WDR76: variants seen among roughly 807,000 people sequenced by gnomAD.
The protein encoded by WDR76 is WD repeat domain 76, also known as WD repeat-containing protein 76.
In WDR76, 52 loss-of-function variants were observed where a neutral mutation model predicts 70.2. That is an observed-to-expected ratio of 0.74 (90% CI 0.59 to 0.93). WDR76 has a LOEUF of 0.93. WDR76 is among the 40% of genes least tolerant of loss of function. The pLI, the probability that WDR76 is intolerant of heterozygous loss-of-function variation, is 0.00. For missense variants in WDR76, 756 were observed against 760.2 expected (o/e 0.99, Z 0.07); for synonymous variants, 292 against 271.1 (o/e 1.08, Z -0.76).
chr15:43,834,460 CT>C (rs1413636156), intron 2 of WDR76, among the ~76,000 whole-genome samples: 1 of 130,788 alleles, frequency 7.6e-6, no homozygotes, highest in Non-Finnish European at 1.7e-5. Context: ...GCCACTATAC[CT>C]GGCTAATTTT....
Position 43,857,074 on chromosome 15 carries a change from T to C in WDR76, c.1320T>C (p.Tyr440=). 1.2e-6 allele frequency: 2 copies of C among 1,614,128 alleles called. No individual in the cohort carries two copies. The highest frequency in any genetic ancestry group is 1.7e-6 in the Non-Finnish European group (2 of 1,179,992). Residue 440 remains tyrosine, a synonymous_variant, in exon 10 of 13, where the codon TAT becomes TAC. Coordinates refer to ENST00000263795, the MANE Select transcript of WDR76 (RefSeq NM_024908.4). ...ATAGACGGACACCTGGAACTTCTTA[T>C]GAGAAACTTACCAGTTCTTCTATGG... ...LVDRRTPGTS[Y]EKLTSSSMGK...
chr15:43,841,225 C>G (rs1215222450), intron 5 of WDR76, among the ~76,000 whole-genome samples: 3 of 128,466 alleles, frequency 2.3e-5, no homozygotes, highest in Non-Finnish European at 4.8e-5. Flanking sequence ...TTTTTTGAGA[C>G]GGAGTCTCAA....
chr15:43,841,733 A>T (rs546849876), intron 5 of WDR76, among the ~76,000 whole-genome samples: 3 of 152,060 alleles, frequency 2.0e-5, no homozygotes, highest in South Asian at 2.1e-4. Context: ...CAAACTGTTT[A>T]AAAAAATACT....
At chr15:43,856,881 A>ATT in intron 9 of WDR76, 65 bp from the exon 10 acceptor site, 1 of 1,439,290 alleles carries the variant, frequency 6.9e-7, no homozygotes, top group East Asian at 2.3e-5. Flanking sequence ...TTACCAAAGA[A>ATT]TTTATGCTTT....
chr15:43,855,983 C>A (rs568257127), intron 9 of WDR76, among the ~76,000 whole-genome samples: 58 of 152,312 alleles, frequency 3.8e-4, no homozygotes, highest in African/African-American at 1.4e-3. Flanking sequence ...CAAAGTACAC[C>A]TATGCTTACA....
intron 2 of WDR76, among the ~76,000 whole-genome samples, chr15:43,832,026 C>T (rs187592894): frequency 1.3e-3 from 205 of 152,132 alleles, no homozygotes; most frequent in African/African-American, 4.8e-3. Context: ...GGATTATAGG[C>T]GTGAGCCACT....
chr15:43,861,820 ATGTATTTG>A, intron 12 of WDR76, among the ~76,000 whole-genome samples: 3 of 148,998 alleles, frequency 2.0e-5, no homozygotes, highest in African/African-American at 7.4e-5. Context: ...ACTACTTTGA[ATGTATTTG>A]TGTATTTTTT....
chr15:43,852,526 C>A (rs1286512799), intron 9 of WDR76, among the ~76,000 whole-genome samples: 1 of 152,200 alleles, frequency 6.6e-6, no homozygotes, highest in Middle Eastern at 3.4e-3. Flanking sequence ...CGCATGCCAC[C>A]ATGCCAAGCT....
chr15:43,858,742 A>G lies in WDR76; in HGVS notation c.1481A>G (p.His494Arg), dbSNP rs774216890. The G allele has an allele frequency of 1.9e-6, 3 of 1,614,124 alleles. No homozygotes were observed. In the African/African-American group the frequency reaches 4.0e-5, roughly 22 times the overall value. Reference protein sequence around the residue: ...RSQPLISLTEHTKSIASAYFS... With the variant: ...RSQPLISLTERTKSIASAYFS... The stretch of plus-strand genomic sequence containing the variant: ...CAGCCTTTGATTTCTTTGACTGAAC[A>G]TACAAAGAGCATTGCTTCCGCCTAT... Residue 494 changes from histidine (H) to arginine (R), a missense_variant, in exon 11 of 13, where the codon CAT (histidine) becomes CGT (arginine). Transcript: ENST00000263795.
intron 5 of WDR76, among the ~76,000 whole-genome samples, chr15:43,840,443 A>G (rs1251048804): frequency 6.6e-6 from 1 of 152,226 alleles, no homozygotes; most frequent in East Asian, 1.9e-4. Flanking sequence ...TATAGTTATT[A>G]ATGTTAATAA....
intron 12 of WDR76, among the ~76,000 whole-genome samples, chr15:43,863,181 G>A (rs1231660646): frequency 1.3e-5 from 2 of 151,792 alleles, no homozygotes; most frequent in East Asian, 3.9e-4. Context: ...CAAGTGATCC[G>A]CTTGCCTTGG....
chr15:43,864,109 G>A (rs1313053282), intron 12 of WDR76: 1 of 152,166 alleles, frequency 6.6e-6, no homozygotes, highest in Admixed American at 6.5e-5. Context: ...ATCCACGACA[G>A]GATTTTCTTG....
chr15:43,864,987 C>T (rs1160473151), intron 12 of WDR76, among the ~76,000 whole-genome samples: 1 of 152,010 alleles, frequency 6.6e-6, no homozygotes, highest in Non-Finnish European at 1.5e-5. Context: ...TGCAGTGGCG[C>T]GATCTCAGCT....
intron 5 of WDR76, among the ~76,000 whole-genome samples, chr15:43,840,229 C>T (rs1260986683): frequency 1.3e-5 from 2 of 152,002 alleles, no homozygotes; most frequent in Non-Finnish European, 2.9e-5. Context: ...TTCTGCAGGA[C>T]TTACCTGCTT....
rs1443748242 is a variant in WDR76 at position 43,827,005 on chromosome 15, A to G, written c.-28A>G. 1 of 1,611,524 alleles carries G rather than the reference A, an allele frequency of 6.2e-7. No homozygotes were observed. Among genetic ancestry groups the G allele is most frequent in the Non-Finnish European group, 8.5e-7 (1 of 1,179,540 alleles). On this transcript the variant is annotated 5_prime_UTR_variant, in exon 1 of 13. Transcript: ENST00000263795. ...GGCCTCCCGCCGCAATCTTGGCGGG[A>G]AGGCGCCGGCCGCTAAGAAGCCGAA... is the stretch of plus-strand genomic sequence containing the variant.
chr15:43,838,021 G>T (rs1448665604), intron 4 of WDR76, among the ~76,000 whole-genome samples: 1 of 151,504 alleles, frequency 6.6e-6, no homozygotes, highest in Non-Finnish European at 1.5e-5. Context: ...GACTATAGGC[G>T]CCCGCCACCA....
At chr15:43,857,228 GT>G (rs1366397135) in intron 10 of WDR76, 65 bp downstream of exon 10, 2 of 1,452,178 alleles carry the variant, frequency 1.4e-6, no homozygotes, top group East Asian at 2.3e-5. Flanking sequence ...GTTTAGTTTG[GT>G]TGTCAAAGAT....
intron 3 of WDR76, among the ~76,000 whole-genome samples, chr15:43,835,754 G>A (rs1312233222): frequency 1.3e-5 from 2 of 151,208 alleles, no homozygotes; most frequent in African/African-American, 4.9e-5. Flanking sequence ...TGCCTCCCGG[G>A]TTCAAGTGAT....
intron 12 of WDR76, among the ~76,000 whole-genome samples, chr15:43,864,861 T>G (rs1388586711): frequency 6.6e-6 from 1 of 152,174 alleles, no homozygotes; most frequent in Non-Finnish European, 1.5e-5. Context: ...CGCAAAGTGC[T>G]GGGATTATAG....
Sources: gnomAD v4.1 joint callset for allele counts (sites outside exome capture counted in the v4.1 genomes callset) on GRCh38, gnomAD v4.1.1 for gene constraint, MANE v1.5 for transcripts, NCBI Gene and HGNC (gene_info 2026-07-23, HGNC 2026-07-21) for gene names.